The following GPC6 variants were observed in gnomAD, a reference collection of about 807,000 sequenced individuals.
The protein encoded by GPC6 is glypican 6.
GPC6 carries 14 observed loss-of-function variants against 55.2 expected under a neutral mutation model. That is an observed-to-expected ratio of 0.25 (90% CI 0.17 to 0.40). GPC6 has a LOEUF of 0.40. Among genes scored for constraint, GPC6 ranks in the 10% least tolerant of loss-of-function variants. The pLI, the probability that GPC6 is intolerant of heterozygous loss-of-function variation, is 1.00. For missense variants in GPC6, 641 were observed against 708.5 expected (o/e 0.90, Z 1.08); for synonymous variants, 278 against 259.6 (o/e 1.07, Z -0.68).
chr13:93,820,136 T>C (rs1171856949), intron 2 of GPC6, among the ~76,000 whole-genome samples: 3 of 152,220 alleles, frequency 2.0e-5, no homozygotes, highest in Non-Finnish European at 4.4e-5. Context: ...TTATTTTTAA[T>C]GAACATTCAT....
intron 6 of GPC6, among the ~76,000 whole-genome samples, chr13:94,380,176 G>T (rs535867821): frequency 2.0e-4 from 31 of 152,264 alleles, no homozygotes; most frequent in African/African-American, 7.2e-4. Context: ...AAAATCAGAA[G>T]AAAGAGAATG....
chr13:93,644,759 A>G (rs1880101105), intron 2 of GPC6, among the ~76,000 whole-genome samples: 1 of 133,922 alleles, frequency 7.5e-6, no homozygotes, highest in Non-Finnish European at 1.5e-5. Context: ...TACTGTTGCC[A>G]TCAAGAGTAA....
intron 4 of GPC6, among the ~76,000 whole-genome samples, chr13:94,213,416 G>GC (rs1890140727): frequency 6.6e-6 from 1 of 152,166 alleles, no homozygotes; most frequent in African/African-American, 2.4e-5. Context: ...GTTAGCTTTT[G>GC]CTACATAACA....
intron 2 of GPC6, among the ~76,000 whole-genome samples, chr13:93,562,243 G>A (rs571421039): frequency 1.6e-4 from 25 of 152,050 alleles, no homozygotes; most frequent in African/African-American, 4.6e-4. Flanking sequence ...AGAGCCGGGC[G>A]TGGGCTTTGC....
chr13:93,866,618 A>T (rs911638493), intron 3 of GPC6, among the ~76,000 whole-genome samples: 1 of 151,788 alleles, frequency 6.6e-6, no homozygotes, highest in Non-Finnish European at 1.5e-5. Context: ...TAACACAGGA[A>T]CAGAAAACCA....
intron 2 of GPC6, among the ~76,000 whole-genome samples, chr13:93,604,833 ATACT>A (rs10535648): frequency 0.38 from 57,091 of 151,702 alleles, 11,026 homozygotes; most frequent in African/African-American, 0.45. Context: ...GTAGACATAA[ATACT>A]TAGTAAAAGA....
chr13:93,497,237 A>T (rs374689024), intron 1 of GPC6, among the ~76,000 whole-genome samples: 15 of 152,340 alleles, frequency 9.8e-5, no homozygotes, highest in African/African-American at 3.6e-4. Context: ...CTACATTCAC[A>T]TTGTGTCCTG....
intron 2 of GPC6, among the ~76,000 whole-genome samples, chr13:93,772,226 T>C (rs2138893961): frequency 6.6e-6 from 1 of 152,298 alleles, no homozygotes; most frequent in East Asian, 1.9e-4. Context: ...TGCTTCTGTA[T>C]GCATTTTTTG....
At chr13:93,526,706 C>G (rs961606724) in intron 1 of GPC6, among the ~76,000 whole-genome samples, 2 of 152,218 alleles carry the variant, frequency 1.3e-5, no homozygotes, top group Admixed American at 6.5e-5. Context: ...TCATCCCACT[C>G]TAGCCCTTGC....
chr13:94,117,569 C>T (rs1249389042), intron 4 of GPC6, among the ~76,000 whole-genome samples: 3 of 152,064 alleles, frequency 2.0e-5, no homozygotes, highest in Non-Finnish European at 4.4e-5. Context: ...TCAAGTCATC[C>T]TGTTTATTGG....
chr13:93,544,513 A>C (rs1469683060), intron 1 of GPC6, among the ~76,000 whole-genome samples: 1 of 152,216 alleles, frequency 6.6e-6, no homozygotes, highest in Admixed American at 6.5e-5. Flanking sequence ...TTGGAAATTC[A>C]CATTTTATGC....
intron 2 of GPC6, among the ~76,000 whole-genome samples, chr13:93,694,672 G>A (rs1882383990): frequency 6.6e-6 from 1 of 152,172 alleles, no homozygotes; most frequent in Non-Finnish European, 1.5e-5. Context: ...AGAATAAATT[G>A]AGTTGTGTTA....
chr13:93,561,391 CTATATCCCTATCGATATA>C (rs1361853012), intron 2 of GPC6, among the ~76,000 whole-genome samples: 1 of 85,466 alleles, frequency 1.2e-5, no homozygotes, highest in Admixed American at 1.1e-4. Context: ...TAATTGCATA[CTATATCCCTATCGATATA>C]TATATATATA....
rs540486357 is a variant in GPC6, at chr13:93,594,215, A to G, written c.319+48794A>G. 7.2e-5 allele frequency among the ~76,000 whole-genome samples: 11 copies of G among 151,918 alleles called. No individual in the cohort carries two copies. In the South Asian group the frequency reaches 2.3e-3, roughly 32 times the overall value. On this transcript the variant is annotated intron_variant, in intron 2 of 8. Transcript: ENST00000377047. ...AGGGGTACAAGTGCAGGTTTGTTACATAACTAAACTTCTGTTATGGGGGTT... is the reference window on the plus strand; with the variant it reads ...AGGGGTACAAGTGCAGGTTTGTTACGTAACTAAACTTCTGTTATGGGGGTT...
intron 4 of GPC6, among the ~76,000 whole-genome samples, chr13:94,067,812 A>G (rs185304580): frequency 1.6e-4 from 25 of 152,316 alleles, no homozygotes; most frequent in Middle Eastern, 3.4e-3. Flanking sequence ...TCAAATGGAT[A>G]GGGTGGAAGC....
intron 1 of GPC6, among the ~76,000 whole-genome samples, chr13:93,492,441 T>C (rs1880055315): frequency 6.7e-6 from 1 of 150,348 alleles, no homozygotes; most frequent in Non-Finnish European, 1.5e-5. Context: ...TGGGGTTTTC[T>C]GGATAAACAA....
At chr13:93,314,852 A>G (rs1197827660) in intron 1 of GPC6, among the ~76,000 whole-genome samples, 1 of 152,126 alleles carries the variant, frequency 6.6e-6, no homozygotes, top group Non-Finnish European at 1.5e-5. Flanking sequence ...TTGCAAAGCC[A>G]AAGGATTACA....
intron 3 of GPC6, among the ~76,000 whole-genome samples, chr13:93,859,301 G>A (rs1264339481): frequency 6.6e-6 from 1 of 151,414 alleles, no homozygotes; most frequent in Non-Finnish European, 1.5e-5. Context: ...GTGTCTAATT[G>A]TTCTTTCATT....
chr13:93,733,558 T>A (rs1883899730), intron 2 of GPC6, among the ~76,000 whole-genome samples: 1 of 151,200 alleles, frequency 6.6e-6, no homozygotes, highest in African/African-American at 2.4e-5. Flanking sequence ...TAATCCTCTA[T>A]CACACTTGAA....
Sources: gnomAD v4.1 joint callset for allele counts (sites outside exome capture counted in the v4.1 genomes callset) on GRCh38, gnomAD v4.1.1 for gene constraint, MANE v1.5 for transcripts, NCBI Gene and HGNC (gene_info 2026-07-23, HGNC 2026-07-21) for gene names.